The following SCN4A variants were observed in gnomAD, a reference collection of about 807,000 sequenced individuals.
SCN4A encodes the protein sodium channel protein type 4 subunit alpha.
A neutral mutation model predicts 162.0 loss-of-function variants in SCN4A; 83 were observed. That is an observed-to-expected ratio of 0.51 (90% CI 0.43 to 0.61). The LOEUF (loss-of-function observed/expected upper bound fraction) is 0.61. Ranked by LOEUF, SCN4A falls within the 20% of genes least tolerant of loss-of-function variation. SCN4A has a pLI of 0.00. For missense variants in SCN4A, 2,196 were observed against 2,462.5 expected (o/e 0.89, Z 2.29); for synonymous variants, 944 against 985.1 (o/e 0.96, Z 0.78).
In SCN4A at chr17:63,944,919, G is replaced by C; in HGVS notation, c.3774+88C>G. The stretch of plus-strand genomic sequence containing the variant: ...CACCCCCAGGGCTGCCAAGTCTCGG[G>C]GACAGAACGTGCTGCCAAGTCTCCC... On this transcript the variant is annotated intron_variant, in intron 20 of 23. Transcript: ENST00000435607. The surrounding 1 kb of genome is among the most constrained non-coding windows in gnomAD (Gnocchi z 4.3). 3 of 1,589,830 alleles carry C rather than the reference G, an allele frequency of 1.9e-6. No individual in the cohort carries two copies. The South Asian group carries it at 3.4e-5, about 18-fold the overall frequency.
chr17:63,965,925 C>T (rs1597983614), intron 8 of SCN4A, among the ~76,000 whole-genome samples, 177 bp downstream of exon 8: 1 of 152,174 alleles, frequency 6.6e-6, no homozygotes, highest in East Asian at 1.9e-4. Flanking sequence ...TGGCTCGGGG[C>T]AGGTGTCTAG....
rs770398125 is a variant in SCN4A at position 63,941,889 on chromosome 17, C to A, written c.4393G>T (p.Ala1465Ser). The change falls in exon 24 of 24, where the codon GCC becomes TCC. Residue 1465 changes from alanine (A) to serine (S), a missense_variant. Physicochemically the swap from Ala to Ser is moderately conservative, Grantham distance 99. Transcript: ENST00000435607. This position sits in a 1 kb window ranked among gnomAD's most constrained non-coding sequence, Gnocchi z 6.2. ...AACAGCAGCGTCCGGATGCCCTTGGCCCCGCGGATCAGCCGCAGGACACGC... is the reference window on the plus strand; with the variant it reads ...AACAGCAGCGTCCGGATGCCCTTGGACCCGCGGATCAGCCGCAGGACACGC... ...IGRVLRLIRG[A>S]KGIRTLLFAL... 4.3e-6 allele frequency: 7 copies of A among 1,613,370 alleles called. No homozygotes were observed. The Admixed American group carries it at 1.2e-4, about 27-fold the overall frequency.
In SCN4A at chr17:63,951,654, G is replaced by C. The variant is rs201148948; in HGVS notation, c.2623C>G (p.Pro875Ala). The change falls in exon 14 of 24, where the codon CCC becomes GCC. Residue 875 changes from proline (P) to alanine (A), a missense_variant. Transcript: ENST00000435607. This position sits in a 1 kb window ranked among gnomAD's most constrained non-coding sequence, Gnocchi z 4.5. ...GEAGEAGETA[P>A]EDEKKEPPEE... ...GGCGGCTCCTTCTTCTCATCCTCGG[G>C]GGCAGTCTCCCCCGCCTCTCCAGCC... is the stretch of plus-strand genomic sequence containing the variant. The C allele has an allele frequency of 4.0e-5, 64 of 1,600,802 alleles. No individual in the cohort carries two copies. The highest frequency in any genetic ancestry group is 5.1e-5 in the Non-Finnish European group (60 of 1,173,570).
chr17:63,964,755 C>T, intron 8 of SCN4A, 78 bp from the exon 9 acceptor site: 1 of 1,137,734 alleles, frequency 8.8e-7, no homozygotes, highest in Non-Finnish European at 1.3e-6. Context: ...TCCATACATC[C>T]ATTGCCCGCA....
At position 63,945,331 on chromosome 17, in the gene SCN4A, T is replaced by C; in HGVS notation, c.3720+29A>G. The C allele has an allele frequency of 6.3e-7, 1 of 1,588,230 alleles. No homozygotes were observed. The highest frequency in any genetic ancestry group is 8.6e-7 in the Non-Finnish European group (1 of 1,160,932). Reference sequence around the variant, plus strand: ...GGGTGGGGGGCACCTCCATCCAGGTTCCCGGCAGGGGTGGTGGGTCACACT... The same window carrying C: ...GGGTGGGGGGCACCTCCATCCAGGTCCCCGGCAGGGGTGGTGGGTCACACT... On this transcript the variant is annotated intron_variant, in intron 19 of 23. Coordinates refer to ENST00000435607, the MANE Select transcript of SCN4A (RefSeq NM_000334.4). The surrounding 1 kb of genome is among the most constrained non-coding windows in gnomAD (Gnocchi z 4.4).
intron 12 of SCN4A, 129 bp from the exon 13 acceptor site, chr17:63,957,647 T>C: frequency 1.6e-6 from 1 of 633,550 alleles, no homozygotes; most frequent in Non-Finnish European, 2.8e-6. Context: ...GAGTCCTCAG[T>C]GTGCCCTTCT....
Position 63,948,656 on chromosome 17 carries a change from G to T in SCN4A, c.3099C>A (p.Phe1033Leu), listed in dbSNP as rs753862870. 1 of 1,613,880 alleles carries T rather than the reference G, an allele frequency of 6.2e-7. No homozygotes were observed. Among genetic ancestry groups the T allele is most frequent in the Non-Finnish European group, 8.5e-7 (1 of 1,179,884 alleles). The change falls in exon 16 of 24, where the codon TTC becomes TTA. Residue 1033 changes from phenylalanine to leucine, a missense_variant. By Grantham distance (22) the Phe-to-Leu change is conservative. Coordinates refer to ENST00000435607, the MANE Select transcript of SCN4A (RefSeq NM_000334.4). ...GGATCATGAAGACAATGAAGGTCTC[G>T]AACCAGTTGTGCTCGACAATCTTGA... ...ACFKIVEHNW[F>L]ETFIVFMILL...
intron 8 of SCN4A, among the ~76,000 whole-genome samples, chr17:63,965,371 T>G (rs1909405844): frequency 6.6e-6 from 1 of 152,218 alleles, no homozygotes; most frequent in African/African-American, 2.4e-5. Flanking sequence ...TTGTTATTGT[T>G]ATCAACACCA....
Position 63,959,289 on chromosome 17 carries a change from C to T in SCN4A, c.1995G>A (p.Leu665=), listed in dbSNP as rs189925781. 1.2e-6 allele frequency: 2 copies of T among 1,613,608 alleles called. No homozygotes were observed. Among genetic ancestry groups the T allele is most frequent in the Non-Finnish European group, 1.7e-6 (2 of 1,179,676 alleles). The part of the protein sequence containing the change: ...VELGLANVQG[L]SVLRSFRLLR... ...CCAGACGGAAGGAGCGTAGCACAGA[C>T]AGTCCCTGTACGTTGGCCAGGCCTA... is the stretch of plus-strand genomic sequence containing the variant. The change falls in exon 12 of 24, where the codon CTG becomes CTA. Residue 665 remains leucine (L), a synonymous_variant. Coordinates refer to ENST00000435607, the MANE Select transcript of SCN4A (RefSeq NM_000334.4).
chr17:63,963,894 C>A, intron 9 of SCN4A, 69 bp from the exon 10 acceptor site: 1 of 1,434,524 alleles, frequency 7.0e-7, no homozygotes, highest in Non-Finnish European at 9.4e-7. Context: ...AATTGACCCT[C>A]AGAGCTTCTT....
At position 63,951,857 on chromosome 17, in the gene SCN4A, G is replaced by A. The variant is rs749013806; in HGVS notation, c.2420C>T (p.Ala807Val). 18 of 1,558,182 alleles carry A rather than the reference G, an allele frequency of 1.2e-5. No homozygotes were observed. The highest frequency in any genetic ancestry group is 1.4e-5 in the Non-Finnish European group (16 of 1,155,202). The change falls in exon 14 of 24, where the codon GCC (alanine) becomes GTC (valine). Residue 807 changes from alanine (A) to valine (V), a missense_variant. Transcript: ENST00000435607. This position sits in a 1 kb window ranked among gnomAD's most constrained non-coding sequence, Gnocchi z 4.5. Reference sequence around the variant, plus strand: ...CTCATCCGAGGCTGCCAGACTGTCGGCGCTGAAGGAGCTCAGCAGCAGAGC... The same window carrying A: ...CTCATCCGAGGCTGCCAGACTGTCGACGCTGAAGGAGCTCAGCAGCAGAGC... ...FLALLLSSFS[A>V]DSLAASDEDG...
chr17:63,966,310 C>T lies in SCN4A; in HGVS notation c.1101-67G>A, dbSNP rs573672975. 4 of 1,533,832 alleles carry T rather than the reference C, an allele frequency of 2.6e-6. No individual in the cohort carries two copies. In the East Asian group the frequency reaches 9.4e-5, roughly 36 times the overall value. On this transcript the variant is annotated intron_variant, in intron 7 of 23. Coordinates refer to ENST00000435607, the MANE Select transcript of SCN4A (RefSeq NM_000334.4). ...ACTCCAGCTGGGGGCAGATAGGGAC[C>T]CCAAGGGAAAAATTCCGTCAGTTCT...
At chr17:63,967,914 C>G in intron 6 of SCN4A, 109 bp downstream of exon 6, 3 of 938,916 alleles carry the variant, frequency 3.2e-6, no homozygotes, top group Non-Finnish European at 4.8e-6. Flanking sequence ...GCCTGGGTGA[C>G]AAGAGTGAGA....
At chr17:63,968,954 C>T (rs1158137024) in intron 5 of SCN4A, among the ~76,000 whole-genome samples, 3 of 152,136 alleles carry the variant, frequency 2.0e-5, no homozygotes, top group Non-Finnish European at 1.5e-5. Flanking sequence ...ATTCTCCTGC[C>T]TCAGCCTCCC....
At chr17:63,946,011 A>G (rs1188886987) in intron 18 of SCN4A, among the ~76,000 whole-genome samples, 1 of 152,146 alleles carries the variant, frequency 6.6e-6, no homozygotes, top group African/African-American at 2.4e-5. Context: ...TTTCAGCCCC[A>G]GAGCCCCAGA....
At position 63,942,830 on chromosome 17, in the gene SCN4A, A is replaced by G; in HGVS notation, c.4284T>C (p.Ile1428=). 1.2e-6 allele frequency: 2 copies of G among 1,613,588 alleles called. No homozygotes were observed. Among genetic ancestry groups the G allele is most frequent in the Middle Eastern group, 1.7e-4 (1 of 6,060 alleles). ...GGTCCAGCCCGCCCCGCTCACCCAC[A>G]ATGGACAGGATGACGACCACGAAGT... The part of the protein sequence containing the change: ...IFDFVVVILS[I]VGLALSDLIQ... The change falls in exon 23 of 24, where the codon ATT becomes ATC. Residue 1428 remains isoleucine, a synonymous_variant. Coordinates refer to ENST00000435607, the MANE Select transcript of SCN4A (RefSeq NM_000334.4).
At chr17:63,970,575 C>T (rs151088059) in intron 5 of SCN4A, among the ~76,000 whole-genome samples, 169 of 152,086 alleles carry the variant, frequency 1.1e-3, no homozygotes, top group African/African-American at 3.4e-3. Flanking sequence ...ACTATCCTCC[C>T]GCCTTAGCCT....
chr17:63,947,794 G>A (rs1007856004), intron 17 of SCN4A, 96 bp downstream of exon 17: 20 of 1,281,074 alleles, frequency 1.6e-5, no homozygotes, highest in Admixed American at 2.4e-5. Context: ...GGGTGGCCTC[G>A]GGCAGGTCCT....
intron 12 of SCN4A, among the ~76,000 whole-genome samples, chr17:63,958,354 A>G (rs928315528): frequency 6.9e-6 from 1 of 144,990 alleles, no homozygotes; most frequent in African/African-American, 2.6e-5. Context: ...AACCCTGTCT[A>G]AAAAAAAAAA....
Sources: gnomAD v4.1 joint callset for allele counts (sites outside exome capture counted in the v4.1 genomes callset) on GRCh38, gnomAD v4.1.1 for gene constraint, Gnocchi (gnomAD v3.1) non-coding constraint, MANE v1.5 for transcripts, NCBI Gene and HGNC (gene_info 2026-07-23, HGNC 2026-07-21) for gene names.